The following MBTPS1 variants were observed in gnomAD, a reference collection of about 807,000 sequenced individuals.
MBTPS1 encodes the protein membrane bound transcription factor peptidase, site 1.
In MBTPS1, 94 loss-of-function variants were observed where a neutral mutation model predicts 127.8. The observed-to-expected ratio is 0.74, with a 90% CI of 0.62 to 0.87. MBTPS1 has a LOEUF of 0.87. Among genes scored for constraint, MBTPS1 ranks in the 40% least tolerant of loss-of-function variants. The pLI is 0.00. For synonymous variants in MBTPS1, 632 were observed against 509.4 expected (o/e 1.24, Z -3.24); for missense variants, 1,636 against 1,353.2 (o/e 1.21, Z -3.28).
intron 11 of MBTPS1, among the ~76,000 whole-genome samples, chr16:84,080,024 A>G (rs2085916578): frequency 6.6e-6 from 1 of 152,248 alleles, no homozygotes; most frequent in African/African-American, 2.4e-5. Context: ...ACAGAGGTGC[A>G]TGACAGGACA....
intron 11 of MBTPS1, among the ~76,000 whole-genome samples, chr16:84,076,101 T>C (rs1480089645): frequency 6.6e-6 from 1 of 152,176 alleles, no homozygotes; most frequent in East Asian, 1.9e-4. Flanking sequence ...ACCAGTGGCA[T>C]TTATTACAGA....
At chr16:84,084,960 G>C in intron 10 of MBTPS1, 23 bp downstream of exon 10, 2 of 1,609,972 alleles carry the variant, frequency 1.2e-6, no homozygotes, top group Non-Finnish European at 1.7e-6. Context: ...GGGAGCTACT[G>C]GTCTCTAGGG....
chr16:84,062,806 G>A (rs931954206), intron 19 of MBTPS1, among the ~76,000 whole-genome samples: 7 of 152,106 alleles, frequency 4.6e-5, no homozygotes, highest in African/African-American at 1.7e-4. Flanking sequence ...TCCCCTTCAC[G>A]CCTCGAGATA....
Position 84,054,495 on chromosome 16 carries a change from G to T in MBTPS1, c.3113C>A (p.Pro1038Gln). 6.2e-7 allele frequency: 1 copy of T among 1,612,752 alleles called. No individual in the cohort carries two copies. The highest frequency in any genetic ancestry group is 8.5e-7 in the Non-Finnish European group (1 of 1,179,366). ...CGGGTGAACCTGCTGCATGAGCTGCGGGCGCTTCACCCTGGGCTTCCTCCG... is the reference window on the plus strand; with the variant it reads ...CGGGTGAACCTGCTGCATGAGCTGCTGGCGCTTCACCCTGGGCTTCCTCCG... ...PKRRKPRVKRPQLMQQVHPPK... is the reference protein window; with the variant it reads ...PKRRKPRVKRQQLMQQVHPPK... The change falls in exon 23 of 23, where the codon CCG (proline) becomes CAG (glutamine). Residue 1038 changes from proline to glutamine, a missense_variant. By Grantham distance (76) the Pro-to-Gln change is moderately conservative (BLOSUM62 -1). Transcript: ENST00000343411.
chr16:84,066,568 C>T lies in MBTPS1; in HGVS notation c.2274G>A (p.Leu758=), dbSNP rs11550470. 0.039 allele frequency: 63,077 copies of T among 1,613,706 alleles called. 1,904 individuals carry two copies. The highest frequency in any genetic ancestry group is 0.14 in the African/African-American group (10,839 of 74,976). ...PDTGGANIPA[L]NELLSVWNMG... ...TGTTCCACACAGACAGCAGCTCATT[C>T]AGAGCTGGGATGTTAGCTCCTCCGG... is the stretch of plus-strand genomic sequence containing the variant. The change falls in exon 17 of 23, where the codon CTG becomes CTA. Residue 758 remains leucine (L), a synonymous_variant. Coordinates refer to ENST00000343411, the MANE Select transcript of MBTPS1 (RefSeq NM_003791.4).
intron 10 of MBTPS1, 180 bp from the exon 11 acceptor site, chr16:84,082,088 C>CCGATA (rs2085950369): frequency 2.5e-6 from 1 of 406,734 alleles, no homozygotes; most frequent in African/African-American, 2.0e-5. Flanking sequence ...TGTACCCAAT[C>CCGATA]CAGGACTGAC....
In MBTPS1 at chr16:84,095,524, G is replaced by A. The variant is rs191290530; in HGVS notation, c.625+78C>T. 5.9e-5 allele frequency: 89 copies of A among 1,497,596 alleles called. No individual in the cohort carries two copies. In the East Asian group the frequency reaches 1.9e-3, roughly 32 times the overall value. The allele number at this position is 1,497,596 out of a possible 1,614,324, so 92.8% of individuals were successfully genotyped here. A position where few individuals can be genotyped will look rare whatever the true frequency, so the allele number is the denominator to read the frequency against. ...CCGAACATGGAATTCCTGCATGTCT[G>A]GACTTTCCGCGCCTTCCCTGGGTAA... On this transcript the variant is annotated intron_variant, in intron 4 of 22. Transcript: ENST00000343411.
chr16:84,082,046 C>T, intron 10 of MBTPS1, 138 bp from the exon 11 acceptor site: 1 of 526,356 alleles, frequency 1.9e-6, no homozygotes, highest in Non-Finnish European at 3.0e-6. Flanking sequence ...TCTGGCACAG[C>T]CTGCATGAGA....
At chr16:84,092,304 G>C (rs774564627) in intron 6 of MBTPS1, among the ~76,000 whole-genome samples, 1 of 152,196 alleles carries the variant, frequency 6.6e-6, no homozygotes, top group Non-Finnish European at 1.5e-5. Context: ...CACAGTATTA[G>C]TCTTCTGATG....
Position 84,100,639 on chromosome 16 carries a change from A to G in MBTPS1, c.163+982T>C, listed in dbSNP as rs188404032. Among the ~76,000 whole-genome samples, 122 of 152,154 alleles carry G rather than the reference A, an allele frequency of 8.0e-4. 1 individual carries two copies. The highest frequency in any genetic ancestry group is 2.9e-3 in the African/African-American group (120 of 41,508). ...GCTACTCAGGAGGCTGAAGTGGGAG[A>G]CCACTTGTGCCTGGGAGGCCAAGGC... On this transcript the variant is annotated intron_variant, in intron 2 of 22. Transcript: ENST00000343411.
chr16:84,114,757 G>A (rs1363936272), intron 1 of MBTPS1, among the ~76,000 whole-genome samples: 37 of 147,488 alleles, frequency 2.5e-4, no homozygotes, highest in Admixed American at 2.5e-3. Flanking sequence ...TTGAACCCGG[G>A]AGGCAGAAGT....
intron 1 of MBTPS1, among the ~76,000 whole-genome samples, chr16:84,107,732 T>A (rs992789331): frequency 1.4e-5 from 2 of 144,352 alleles, no homozygotes; most frequent in Non-Finnish European, 3.0e-5. Flanking sequence ...TGAGACAGGG[T>A]CCCGCTTGGT....
In MBTPS1 at chr16:84,066,544, G is replaced by C. The variant is rs1242925956; in HGVS notation, c.2298C>G (p.Asn766Lys). 1 of 1,614,188 alleles carries C rather than the reference G, an allele frequency of 6.2e-7. No individual in the cohort carries two copies. The highest frequency in any genetic ancestry group is 8.5e-7 in the Non-Finnish European group (1 of 1,180,022). Residue 766 changes from asparagine to lysine, a missense_variant, in exon 17 of 23, where the codon AAC (asparagine) becomes AAG (lysine). Transcript: ENST00000343411. ...CATACAGGCCATCGCTGAACCCCAT[G>C]TTCCACACAGACAGCAGCTCATTCA... ...PALNELLSVW[N>K]MGFSDGLYEG...
rs1273517498 is a variant in MBTPS1, at chr16:84,054,304, G to A, written c.*145C>T. On this transcript the variant is annotated 3_prime_UTR_variant, in exon 23 of 23. Coordinates refer to ENST00000343411, the MANE Select transcript of MBTPS1 (RefSeq NM_003791.4). ...CCAGGAGCCTCTGCCCATCACAGGAGGGCAGGCCCATGTAGAACAGACTCT... is the reference window on the plus strand; with the variant it reads ...CCAGGAGCCTCTGCCCATCACAGGAAGGCAGGCCCATGTAGAACAGACTCT... The A allele has an allele frequency of 1.6e-6, 1 of 610,074 alleles. No individual in the cohort carries two copies. The highest frequency in any genetic ancestry group is 2.7e-6 in the Non-Finnish European group (1 of 376,872). The allele number at this position is 610,074 out of a possible 1,614,324, so 37.8% of individuals were successfully genotyped here. A position where few individuals can be genotyped will look rare whatever the true frequency, so the allele number is the denominator to read the frequency against.
At chr16:84,087,614 G>C (rs1284974957) in intron 8 of MBTPS1, among the ~76,000 whole-genome samples, 154 bp from the exon 9 acceptor site, 1 of 152,056 alleles carries the variant, frequency 6.6e-6, no homozygotes, top group African/African-American at 2.4e-5. Context: ...AGCTCCTCAC[G>C]GCTGTCCTGT....
intron 10 of MBTPS1, among the ~76,000 whole-genome samples, chr16:84,083,931 A>G (rs187479244): frequency 4.2e-4 from 64 of 152,258 alleles, no homozygotes; most frequent in Admixed American, 3.5e-3. Context: ...GTGAACATCA[A>G]CTCTGGTCTA....
chr16:84,064,390 T>A (rs1247405195), intron 18 of MBTPS1, among the ~76,000 whole-genome samples: 1 of 152,190 alleles, frequency 6.6e-6, no homozygotes, highest in Non-Finnish European at 1.5e-5. Context: ...GGGAGTTTTA[T>A]TTCTGCCATC....
chr16:84,067,146 G>A (rs552253945), intron 16 of MBTPS1, among the ~76,000 whole-genome samples: 3 of 151,826 alleles, frequency 2.0e-5, no homozygotes, highest in Non-Finnish European at 4.4e-5. Flanking sequence ...CAGTTCCTTT[G>A]GTGCATTTAA....
chr16:84,065,792 G>A (rs367787565), intron 17 of MBTPS1, 25 bp from the exon 18 acceptor site: 242 of 1,453,080 alleles, frequency 1.7e-4, no homozygotes, highest in Middle Eastern at 1.4e-3. Flanking sequence ...TCAAAGTCAA[G>A]GGAACACAGG....
Sources: allele counts gnomAD v4.1 joint callset (sites outside exome capture counted in the v4.1 genomes callset), GRCh38; gene constraint gnomAD v4.1.1; transcripts MANE v1.5; gene names NCBI Gene and HGNC (gene_info 2026-07-23, HGNC 2026-07-21).